The following RNF128 variants were observed in gnomAD, a reference collection of about 807,000 sequenced individuals.
RNF128 encodes the protein E3 ubiquitin-protein ligase RNF128.
Under a neutral mutation model 26.2 loss-of-function variants are expected in RNF128, and 13 were observed. The ratio of observed to expected loss-of-function variants is 0.50; its 90% CI spans 0.32 to 0.79. RNF128 has a LOEUF of 0.79. Among genes scored for constraint, RNF128 ranks in the 30% least tolerant of loss-of-function variants. RNF128 has a pLI of 0.03. For synonymous variants in RNF128, 149 were observed against 142.5 expected, an observed-to-expected ratio of 1.05 and a Z score of -0.32; for missense variants, 315 against 349.7, an observed-to-expected ratio of 0.90 and a Z score of 0.79.
At chrX:106,781,980 T>A (rs1347602116) in intron 2 of RNF128, among the ~76,000 whole-genome samples, 1 of 112,545 alleles carries the variant, frequency 8.9e-6, no homozygotes, top group African/African-American at 3.2e-5. Flanking sequence ...CACTTCAAAT[T>A]AATTTGCATT....
At chrX:106,732,210 C>G (rs185688756) in intron 1 of RNF128, among the ~76,000 whole-genome samples, 2 of 111,758 alleles carry the variant, frequency 1.8e-5, no homozygotes, top group East Asian at 2.8e-4. Context: ...ATCTTTGAAG[C>G]CTTTCTTAAT....
At chrX:106,778,062 A>G (rs1353706291) in intron 2 of RNF128, among the ~76,000 whole-genome samples, 1 of 111,913 alleles carries the variant, frequency 8.9e-6, no homozygotes, top group Non-Finnish European at 1.9e-5. Flanking sequence ...TAATTTATAT[A>G]ACATACAACA....
chrX:106,728,032 C>A (rs1045731217), intron 1 of RNF128, among the ~76,000 whole-genome samples: 1 of 111,233 alleles, frequency 9.0e-6, no homozygotes, highest in African/African-American at 3.3e-5. Context: ...AGGTGACTAA[C>A]GTTCTTGAAA....
At position 106,747,821 on chromosome X, in the gene RNF128, A is replaced by G. The variant is rs185762633; in HGVS notation, c.484+20424A>G. Among the ~76,000 whole-genome samples, 414 of 112,302 alleles carry G rather than the reference A, an allele frequency of 3.7e-3. 2 individuals carry two copies. The highest frequency in any genetic ancestry group is 5.4e-3 in the Non-Finnish European group (289 of 53,132). ...TTTCTACTACTGGCCATAATAGTAGATATATACAATTCATTTCACTGGCTT... is the reference window on the plus strand; with the variant it reads ...TTTCTACTACTGGCCATAATAGTAGGTATATACAATTCATTTCACTGGCTT... On this transcript the variant is annotated intron_variant, in intron 1 of 6. Transcript: ENST00000255499.
intron 1 of RNF128, among the ~76,000 whole-genome samples, chrX:106,770,673 T>C (rs1320351610): frequency 1.8e-5 from 2 of 111,668 alleles, no homozygotes; most frequent in Non-Finnish European, 3.8e-5. Flanking sequence ...AGGTTTTTAC[T>C]TCTTTGCGAT....
intron 1 of RNF128, among the ~76,000 whole-genome samples, chrX:106,707,911 G>A (rs1358940290): frequency 9.0e-6 from 1 of 111,497 alleles, no homozygotes; most frequent in Non-Finnish European, 1.9e-5. Context: ...GTATGATCTG[G>A]AAGCAGTACA....
chrX:106,720,391 T>A (rs1929289240), intron 1 of RNF128, among the ~76,000 whole-genome samples: 1 of 111,492 alleles, frequency 9.0e-6, no homozygotes. Context: ...ATTTTTTATG[T>A]TTTGTAGAGA....
In RNF128 at chrX:106,783,215, C is replaced by T. The variant is rs77787177; in HGVS notation, c.733-1850C>T. Among the ~76,000 whole-genome samples, 14 of 111,465 alleles carry T rather than the reference C, an allele frequency of 1.3e-4. No individual in the cohort carries two copies. In the East Asian group the frequency reaches 4.0e-3, roughly 31 times the overall value. ...TTCTCCTTGGCATTAAGCTAAATAT[C>T]TTCCACAAAATGATATCTTATATAG... On this transcript the variant is annotated intron_variant, in intron 2 of 6. Coordinates refer to ENST00000255499, the MANE Select transcript of RNF128 (RefSeq NM_194463.2).
chrX:106,733,160 G>A lies in RNF128; in HGVS notation c.484+5763G>A, dbSNP rs145901972. On this transcript the variant is annotated intron_variant, in intron 1 of 6. Transcript: ENST00000255499. ...TTATTTAAAATATACAGGAAGATGTGCACTGGTTATATGCACACATTGAAC... is the reference window on the plus strand; with the variant it reads ...TTATTTAAAATATACAGGAAGATGTACACTGGTTATATGCACACATTGAAC... Among the ~76,000 whole-genome samples the A allele has an allele frequency of 1.8e-3, 196 of 111,122 alleles. 3 individuals carry two copies. The East Asian group carries it at 0.042, about 24-fold the overall frequency.
rs1163263743 is a variant in RNF128, at chrX:106,704,618, A to AC, written c.406+10213dup. On this transcript the variant is annotated intron_variant, in intron 1 of 6. Coordinates refer to the RNF128 transcript ENST00000324342. The stretch of plus-strand genomic sequence containing the variant: ...TTGGTTGAGTCAGGAAGCACAGGGA[A>AC]CCCACAGTGAAGAGAAGATGAGGAA... 2.7e-5 allele frequency among the ~76,000 whole-genome samples: 3 copies of AC among 110,728 alleles called. No homozygotes were observed. The East Asian group carries it at 8.5e-4, about 32-fold the overall frequency.
chrX:106,775,902 T>C (rs1226861789), intron 2 of RNF128, among the ~76,000 whole-genome samples: 2 of 111,947 alleles, frequency 1.8e-5, no homozygotes, highest in African/African-American at 6.5e-5. Flanking sequence ...GTCAGGAAAC[T>C]GATAACTGTA....
intron 1 of RNF128, among the ~76,000 whole-genome samples, chrX:106,741,922 A>G (rs1391174826): frequency 2.7e-5 from 3 of 112,082 alleles, no homozygotes; most frequent in African/African-American, 9.7e-5. Flanking sequence ...CATCTAACGC[A>G]GTCAGGTCAG....
chrX:106,747,071 A>C (rs1421728120), intron 1 of RNF128, among the ~76,000 whole-genome samples: 1 of 112,074 alleles, frequency 8.9e-6, no homozygotes, highest in East Asian at 2.8e-4. Context: ...AATTATAAAA[A>C]TGACAGCTTT....
chrX:106,748,812 TAGAC>T (rs771192626), intron 1 of RNF128, among the ~76,000 whole-genome samples: 17 of 111,202 alleles, frequency 1.5e-4, no homozygotes, highest in Non-Finnish European at 2.8e-4. Flanking sequence ...AAAATACAGT[TAGAC>T]AGAAGAAATA....
chrX:106,785,226 A>T (rs1930634823), intron 3 of RNF128, 90 bp downstream of exon 3: 6 of 699,794 alleles, frequency 8.6e-6, no homozygotes, highest in Non-Finnish European at 2.1e-6. Flanking sequence ...GTATGCTTTT[A>T]TTGGCATTTA....
intron 1 of RNF128, among the ~76,000 whole-genome samples, chrX:106,756,791 T>A: frequency 1.0e-5 from 1 of 98,347 alleles, no homozygotes; most frequent in African/African-American, 3.9e-5. Context: ...ACCATCAGAG[T>A]GAACAGGCAA....
At chrX:106,763,660 C>A (rs1930159446) in intron 1 of RNF128, among the ~76,000 whole-genome samples, 1 of 110,852 alleles carries the variant, frequency 9.0e-6, no homozygotes, top group Non-Finnish European at 1.9e-5. Context: ...GCGCCCGCCA[C>A]CACGCCCGGC....
intron 1 of RNF128, among the ~76,000 whole-genome samples, chrX:106,739,759 A>G (rs1423314726): frequency 9.0e-6 from 1 of 111,272 alleles, no homozygotes; most frequent in East Asian, 2.8e-4. Context: ...CTTTTGTAAT[A>G]TGTCATACAG....
At chrX:106,763,321 C>G (rs1930150167) in intron 1 of RNF128, among the ~76,000 whole-genome samples, 1 of 110,633 alleles carries the variant, frequency 9.0e-6, no homozygotes, top group Non-Finnish European at 1.9e-5. Context: ...CCATGACTGA[C>G]TAGGTGAGCA....
Sources: allele counts gnomAD v4.1 joint callset (sites outside exome capture counted in the v4.1 genomes callset), GRCh38; gene constraint gnomAD v4.1.1; transcripts MANE v1.5; gene names NCBI Gene and HGNC (gene_info 2026-07-23, HGNC 2026-07-21).